Variants in XKRX observed in about 807,000 individuals in gnomAD.
The protein encoded by XKRX is XK-related protein 2.
In XKRX, 11 loss-of-function variants were observed where a neutral mutation model predicts 22.4. That is an observed-to-expected ratio of 0.49 (90% CI 0.31 to 0.81). XKRX has a LOEUF of 0.81. Among genes scored for constraint, XKRX ranks in the 40% least tolerant of loss-of-function variants. XKRX has a pLI of 0.05. For synonymous variants in XKRX, 114 were observed against 132.2 expected (o/e 0.86, Z 0.94); for missense variants, 320 against 336.5 (o/e 0.95, Z 0.38).
chrX:100,896,250 C>T, the XKRX span, among the ~76,000 whole-genome samples: 1 of 111,407 alleles, frequency 9.0e-6, no homozygotes, highest in African/African-American at 3.3e-5. Flanking sequence ...ATTCCAAAGA[C>T]ATACTGGAAA....
At chrX:100,926,372 T>G (rs1164143638) in intron 1 of XKRX, among the ~76,000 whole-genome samples, 3 of 112,180 alleles carry the variant, frequency 2.7e-5, no homozygotes, top group Non-Finnish European at 5.6e-5. Flanking sequence ...ATATTCTCTC[T>G]GATAGAGCCT....
chrX:100,915,206 A>G, intron 2 of XKRX, 123 bp from the exon 3 acceptor site: 1 of 716,912 alleles, frequency 1.4e-6, no homozygotes, highest in Non-Finnish European at 2.0e-6. Context: ...AGTTAAGAGC[A>G]AATGCAAATA....
intron 1 of XKRX, among the ~76,000 whole-genome samples, chrX:100,924,964 G>A (rs925088727): frequency 3.6e-5 from 4 of 111,813 alleles, no homozygotes. Flanking sequence ...CCACTCTGAA[G>A]CATGTAGTTT....
chrX:100,957,934 A>G, the XKRX span, among the ~76,000 whole-genome samples: 2 of 111,208 alleles, frequency 1.8e-5, no homozygotes, highest in Non-Finnish European at 3.8e-5. Context: ...ATGGAGTGCT[A>G]TGAGCATAGT....
chrX:100,926,315 G>A (rs1005967883), intron 1 of XKRX, among the ~76,000 whole-genome samples: 8 of 111,359 alleles, frequency 7.2e-5, no homozygotes, highest in African/African-American at 2.6e-4. Flanking sequence ...AATGACAGGG[G>A]GAAGACTAGA....
chrX:100,910,733 A>C, downstream of XKRX: 1 of 680,740 alleles, frequency 1.5e-6, no homozygotes, highest in East Asian at 3.3e-5. Flanking sequence ...GAATATATTG[A>C]ATTACACTGT....
At chrX:100,918,371 C>T (rs893033067) in intron 2 of XKRX, among the ~76,000 whole-genome samples, 1 of 111,774 alleles carries the variant, frequency 8.9e-6, no homozygotes, top group African/African-American at 3.2e-5. Flanking sequence ...GCTGATGCAC[C>T]TTATGTAACT....
the XKRX span, among the ~76,000 whole-genome samples, chrX:100,958,421 C>T: frequency 3.6e-5 from 4 of 111,860 alleles, no homozygotes; most frequent in African/African-American, 6.5e-5. Flanking sequence ...TTTTTGCTTT[C>T]GATTTTCTCA....
intron 2 of XKRX, among the ~76,000 whole-genome samples, chrX:100,921,657 A>G (rs765287247): frequency 7.3e-4 from 81 of 110,488 alleles, no homozygotes; most frequent in South Asian, 1.6e-3. Context: ...CTCAACTTTG[A>G]AAACACTGAC....
the XKRX span, among the ~76,000 whole-genome samples, chrX:100,898,602 A>C: frequency 1.3e-4 from 14 of 109,276 alleles, no homozygotes; most frequent in South Asian, 4.1e-4. Flanking sequence ...AACAACAAAA[A>C]AAAAAAAACA....
At chrX:100,915,117 A>G (rs1279105433) in intron 2 of XKRX, 34 bp from the exon 3 acceptor site, 1 of 1,183,483 alleles carries the variant, frequency 8.4e-7, no homozygotes, top group Non-Finnish European at 1.1e-6. Context: ...AAAAACAGGC[A>G]ATCAGTCAAT....
chrX:100,887,792 G>T, the XKRX span: 1 of 953,977 alleles, frequency 1.0e-6, no homozygotes, highest in Non-Finnish European at 1.5e-6. Flanking sequence ...TTTGAAGACT[G>T]ACTGTTGTAA....
At chrX:100,927,231 T>C (rs1180670112) in intron 1 of XKRX, among the ~76,000 whole-genome samples, 1 of 108,516 alleles carries the variant, frequency 9.2e-6, no homozygotes, top group Non-Finnish European at 1.9e-5. Context: ...CAGGCTGGAG[T>C]GCAGTGGCAC....
chrX:100,952,805 T>C, the XKRX span, among the ~76,000 whole-genome samples: 2 of 111,932 alleles, frequency 1.8e-5, no homozygotes, highest in Admixed American at 9.5e-5. Context: ...TTTAGGGACA[T>C]GGGAGGAGAA....
chrX:100,946,738 A>T, the XKRX span, among the ~76,000 whole-genome samples: 1 of 111,599 alleles, frequency 9.0e-6, no homozygotes, highest in African/African-American at 3.3e-5. Context: ...AGAAATACAC[A>T]CCCTGACCTC....
the XKRX span, chrX:100,956,824 C>T: frequency 1.6e-6 from 1 of 610,609 alleles, no homozygotes; most frequent in East Asian, 3.2e-5. Flanking sequence ...CAAGATTCAT[C>T]TCACAGTAGT....
the XKRX span, among the ~76,000 whole-genome samples, chrX:100,942,028 A>G: frequency 9.1e-6 from 1 of 110,482 alleles, no homozygotes; most frequent in Non-Finnish European, 1.9e-5. Flanking sequence ...TTGTATTTTT[A>G]GTAGAGATGG....
the XKRX span, among the ~76,000 whole-genome samples, chrX:100,892,044 C>G: frequency 8.1e-5 from 9 of 111,291 alleles, no homozygotes; most frequent in East Asian, 2.5e-3. Context: ...TAGAATTGCA[C>G]TAAACTAAAA....
chrX:100,913,387 C>CAT (rs1316206750), downstream of XKRX: 33 of 74,463 alleles, frequency 4.4e-4, no homozygotes, highest in African/African-American at 1.9e-3. Context: ...TACACATACA[C>CAT]ACACACACAC....
Sources: allele counts gnomAD v4.1 joint callset (sites outside exome capture counted in the v4.1 genomes callset), GRCh38; gene constraint gnomAD v4.1.1; transcripts MANE v1.5; gene names NCBI Gene and HGNC (gene_info 2026-07-23, HGNC 2026-07-21).